TOX3: variants seen among roughly 807,000 people sequenced by gnomAD.
The protein encoded by TOX3 is TOX high mobility group box family member 3.
A neutral mutation model predicts 64.3 loss-of-function variants in TOX3; 22 were observed. The ratio of observed to expected loss-of-function variants is 0.34; its 90% confidence interval spans 0.24 to 0.49. The LOEUF is 0.49. Among genes scored for constraint, TOX3 ranks in the 20% least tolerant of loss-of-function variants. TOX3 has a pLI of 0.99. For synonymous variants in TOX3, 291 were observed against 273.6 expected, an observed-to-expected ratio of 1.06 and a Z score of -0.63; for missense variants, 661 against 714.4, an observed-to-expected ratio of 0.93 and a Z score of 0.85.
Position 52,546,861 on chromosome 16 carries a change from C to T in TOX3, c.-138G>A. ...ACTCGCGGCCGGAGGGGCGCCGGGA[C>T]CCAGAGCCCGAGGAGCTCGGGAGCC... On this transcript the variant is annotated 5_prime_UTR_variant, in exon 1 of 7. Coordinates refer to ENST00000219746, the MANE Select transcript of TOX3 (RefSeq NM_001080430.4). The T allele has an allele frequency of 8.2e-7, 1 of 1,217,494 alleles. No homozygotes were observed. The highest frequency in any genetic ancestry group is 1.6e-5 in the African/African-American group (1 of 63,096). The allele number at this position is 1,217,494 out of a possible 1,614,324, so 75.4% of individuals were successfully genotyped here. A position where few individuals can be genotyped will look rare whatever the true frequency, so the allele number is the denominator to read the frequency against.
intron 4 of TOX3, 41 bp downstream of exon 4, chr16:52,450,236 T>C (rs749228934): frequency 1.2e-6 from 2 of 1,610,532 alleles, no homozygotes; most frequent in Non-Finnish European, 1.7e-6. Flanking sequence ...GGTAATCCCA[T>C]ATTCTCTGGC....
intron 3 of TOX3, among the ~76,000 whole-genome samples, chr16:52,456,565 C>G (rs534739930): frequency 5.3e-5 from 8 of 152,228 alleles, no homozygotes; most frequent in African/African-American, 9.6e-5. Flanking sequence ...GATGAAAGAG[C>G]CTCTTTGTCT....
intron 1 of TOX3, among the ~76,000 whole-genome samples, chr16:52,510,606 A>G (rs1962278195): frequency 6.6e-6 from 1 of 151,892 alleles, no homozygotes; most frequent in African/African-American, 2.4e-5. Context: ...AAATACAAAA[A>G]TTAGCTGGGC....
chr16:52,484,760 T>A (rs990802025), intron 1 of TOX3, among the ~76,000 whole-genome samples: 2 of 152,150 alleles, frequency 1.3e-5, no homozygotes, highest in South Asian at 4.1e-4. Context: ...ACTTCTCCTG[T>A]GAATTATGCC....
chr16:52,457,154 TTTATC>T (rs1178882175), intron 3 of TOX3, among the ~76,000 whole-genome samples: 1 of 152,218 alleles, frequency 6.6e-6, no homozygotes, highest in Non-Finnish European at 1.5e-5. Flanking sequence ...CAGTGCTACA[TTTATC>T]TTTGTGCTGC....
chr16:52,492,844 A>C (rs1961732216), intron 1 of TOX3, among the ~76,000 whole-genome samples: 1 of 151,372 alleles, frequency 6.6e-6, no homozygotes, highest in African/African-American at 2.4e-5. Flanking sequence ...AGATTCTTTC[A>C]ACTCCCAATT....
At chr16:52,502,717 C>T (rs547333124) in intron 1 of TOX3, among the ~76,000 whole-genome samples, 1 of 152,254 alleles carries the variant, frequency 6.6e-6, no homozygotes, top group East Asian at 1.9e-4. Flanking sequence ...ATAAGAATTC[C>T]ATGATATCCT....
At chr16:52,462,362 C>T (rs183036605) in intron 3 of TOX3, among the ~76,000 whole-genome samples, 17 of 152,040 alleles carry the variant, frequency 1.1e-4, no homozygotes, top group Admixed American at 9.2e-4. Flanking sequence ...TAGTTCTTTC[C>T]AATATAGTAA....
At chr16:52,494,847 T>TG (rs1372342053) in intron 1 of TOX3, among the ~76,000 whole-genome samples, 3 of 152,234 alleles carry the variant, frequency 2.0e-5, no homozygotes, top group African/African-American at 7.2e-5. Flanking sequence ...GTTTGCTCTT[T>TG]GGTGACAAAC....
rs1555486261 is a variant in TOX3, at chr16:52,504,482, A to AG, written c.88-35909_88-35908insC. Among the ~76,000 whole-genome samples the AG allele has an allele frequency of 5.9e-5, 9 of 151,694 alleles. No individual in the cohort carries two copies. The South Asian group carries it at 1.7e-3, about 28-fold the overall frequency. On this transcript the variant is annotated intron_variant, in intron 1 of 6. Coordinates refer to ENST00000219746, the MANE Select transcript of TOX3 (RefSeq NM_001080430.4). ...ACTCCGTCTCAAAAAAAAAAAAAAA[A>AG]AAGAAGTTCACACTCTAAAATGAAG...
chr16:52,475,095 C>G (rs540222129), intron 1 of TOX3, among the ~76,000 whole-genome samples: 2 of 152,286 alleles, frequency 1.3e-5, no homozygotes, highest in East Asian at 3.9e-4. Flanking sequence ...TCCTCCACCT[C>G]CAACACTCTC....
intron 1 of TOX3, among the ~76,000 whole-genome samples, chr16:52,540,354 T>C (rs1405139626): frequency 6.7e-6 from 1 of 148,992 alleles, no homozygotes; most frequent in Non-Finnish European, 1.5e-5. Flanking sequence ...CAATAAGCCA[T>C]GGTCACTGCA....
At chr16:52,509,258 A>G (rs1402422173) in intron 1 of TOX3, among the ~76,000 whole-genome samples, 2 of 152,216 alleles carry the variant, frequency 1.3e-5, no homozygotes, top group South Asian at 2.1e-4. Context: ...AAACAGTGCT[A>G]TAATAAGGTA....
chr16:52,536,397 G>A (rs551326593), intron 1 of TOX3, among the ~76,000 whole-genome samples: 1 of 151,608 alleles, frequency 6.6e-6, no homozygotes, highest in African/African-American at 2.4e-5. Context: ...AAGACATTTG[G>A]GGAGAGGGCT....
chr16:52,463,124 T>A (rs539980068), intron 3 of TOX3, among the ~76,000 whole-genome samples: 3 of 152,198 alleles, frequency 2.0e-5, no homozygotes, highest in Non-Finnish European at 4.4e-5. Context: ...CCAACACATC[T>A]GTTTCATTTT....
chr16:52,458,134 A>C (rs1293533546), intron 3 of TOX3, among the ~76,000 whole-genome samples: 1 of 152,150 alleles, frequency 6.6e-6, no homozygotes, highest in Non-Finnish European at 1.5e-5. Context: ...CCTCCATTTT[A>C]ACTTAGCAGT....
intron 1 of TOX3, among the ~76,000 whole-genome samples, chr16:52,513,346 T>C (rs1034818517): frequency 6.6e-6 from 1 of 152,222 alleles, no homozygotes; most frequent in Non-Finnish European, 1.5e-5. Context: ...ACAAAGATGA[T>C]AATCATTTCC....
At chr16:52,446,783 C>A (rs1221421236) in intron 4 of TOX3, among the ~76,000 whole-genome samples, 1 of 151,886 alleles carries the variant, frequency 6.6e-6, no homozygotes, top group Non-Finnish European at 1.5e-5. Flanking sequence ...ATACTTGCAG[C>A]ATTAGGAAAA....
chr16:52,539,791 G>T (rs537758207), intron 1 of TOX3, among the ~76,000 whole-genome samples: 3 of 152,004 alleles, frequency 2.0e-5, no homozygotes, highest in African/African-American at 7.3e-5. Context: ...TCCTCTCTCC[G>T]CTCTGCTTCC....
Sources: allele counts gnomAD v4.1 joint callset (sites outside exome capture counted in the v4.1 genomes callset), GRCh38; gene constraint gnomAD v4.1.1; transcripts MANE v1.5; gene names NCBI Gene and HGNC (gene_info 2026-07-23, HGNC 2026-07-21).